Variants in RELN observed in about 807,000 individuals in gnomAD.
RELN encodes the protein reelin.
A neutral mutation model predicts 427.6 loss-of-function variants in RELN; 108 were observed. The observed-to-expected ratio is 0.25, with a 90% CI of 0.22 to 0.30. The LOEUF (loss-of-function observed/expected upper bound fraction) is 0.30. RELN is among the 10% of genes least tolerant of loss of function. The probability of loss-of-function intolerance (pLI) is 1.00; values close to 1 mark genes in which losing one functional copy is unlikely to be tolerated. For missense variants in RELN, 3,715 were observed against 4,302.8 expected (o/e 0.86, Z 3.82); for synonymous variants, 1,524 against 1,513.4 (o/e 1.01, Z -0.16).
At chr7:103,648,286 C>A (rs1355619693) in intron 16 of RELN, among the ~76,000 whole-genome samples, 3 of 151,992 alleles carry the variant, frequency 2.0e-5, no homozygotes, top group African/African-American at 7.2e-5. Flanking sequence ...AGCACCTCCC[C>A]CTTCACTCTC....
chr7:103,971,378 G>GT (rs1796762309), intron 1 of RELN, among the ~76,000 whole-genome samples: 1 of 152,126 alleles, frequency 6.6e-6, no homozygotes, highest in African/African-American at 2.4e-5. Context: ...AACATTAGCA[G>GT]TTTTTCAAAT....
chr7:103,736,955 A>G (rs1790509150), intron 6 of RELN, among the ~76,000 whole-genome samples: 1 of 152,198 alleles, frequency 6.6e-6, no homozygotes, highest in Admixed American at 6.5e-5. Context: ...CTCAGAGAAG[A>G]GTTTTGTAAT....
intron 20 of RELN, among the ~76,000 whole-genome samples, chr7:103,616,246 G>A (rs1245626200): frequency 3.9e-5 from 6 of 152,116 alleles, no homozygotes; most frequent in Non-Finnish European, 8.8e-5. Flanking sequence ...TAGAGAAACA[G>A]AAGAGCCATA....
At chr7:103,777,841 C>T (rs1289679483) in intron 3 of RELN, among the ~76,000 whole-genome samples, 4 of 150,212 alleles carry the variant, frequency 2.7e-5, no homozygotes, top group Non-Finnish European at 5.9e-5. Flanking sequence ...TGGGTGATAT[C>T]ACTTCAAGCT....
intron 8 of RELN, among the ~76,000 whole-genome samples, chr7:103,719,700 G>A (rs989556896): frequency 2.0e-5 from 3 of 152,178 alleles, no homozygotes; most frequent in African/African-American, 7.2e-5. Context: ...ATAACACTTT[G>A]CAAGGATGTC....
intron 2 of RELN, among the ~76,000 whole-genome samples, chr7:103,888,202 C>G (rs1422742765): frequency 1.3e-5 from 2 of 151,246 alleles, no homozygotes; most frequent in Admixed American, 1.3e-4. Flanking sequence ...AAACTGACAT[C>G]TGGACCTGAG....
At chr7:103,815,594 C>T (rs39338) in intron 3 of RELN, among the ~76,000 whole-genome samples, 1 of 152,092 alleles carries the variant, frequency 6.6e-6, no homozygotes. Context: ...AAAAATAGAA[C>T]TTCTACTTAC....
At chr7:103,975,894 A>C (rs1001744330) in intron 1 of RELN, among the ~76,000 whole-genome samples, 12 of 151,986 alleles carry the variant, frequency 7.9e-5, no homozygotes, top group Non-Finnish European at 1.8e-4. Flanking sequence ...CTCATGGAGA[A>C]GGTGACATTT....
intron 1 of RELN, among the ~76,000 whole-genome samples, chr7:103,936,743 G>C (rs62487052): frequency 8.5e-4 from 119 of 139,764 alleles, no homozygotes; most frequent in African/African-American, 1.6e-3. Flanking sequence ...CAGACAGACA[G>C]ACACACACAC....
intron 11 of RELN, among the ~76,000 whole-genome samples, chr7:103,663,958 C>T (rs534754626): frequency 1.3e-5 from 2 of 152,286 alleles, no homozygotes; most frequent in South Asian, 2.1e-4. Context: ...TCTTTCTCTA[C>T]CCTTGCTACC....
At chr7:103,872,101 T>C (rs1341108821) in intron 2 of RELN, among the ~76,000 whole-genome samples, 3 of 144,952 alleles carry the variant, frequency 2.1e-5, no homozygotes, top group East Asian at 2.0e-4. Context: ...TTAGGGTACA[T>C]GTGCACATTG....
intron 2 of RELN, among the ~76,000 whole-genome samples, chr7:103,867,398 C>T (rs1794226027): frequency 6.6e-6 from 1 of 151,558 alleles, no homozygotes. Flanking sequence ...TACAGGTTAT[C>T]TGTCCTTGGG....
intron 50 of RELN, chr7:103,514,151 A>C (rs1024372105): frequency 6.6e-6 from 1 of 152,218 alleles, no homozygotes; most frequent in African/African-American, 2.4e-5. Flanking sequence ...CCACTGTCTG[A>C]ATCAATACTG....
At chr7:103,791,897 CA>C (rs1169804526) in intron 3 of RELN, among the ~76,000 whole-genome samples, 1 of 151,922 alleles carries the variant, frequency 6.6e-6, no homozygotes, top group Non-Finnish European at 1.5e-5. Context: ...ATAAGTAACT[CA>C]ATTTAAAAAT....
intron 3 of RELN, among the ~76,000 whole-genome samples, chr7:103,808,796 G>A (rs1012642028): frequency 3.3e-5 from 5 of 152,000 alleles, no homozygotes; most frequent in African/African-American, 1.2e-4. Flanking sequence ...AAATTTGGAA[G>A]ATCTATCCAG....
At position 103,523,627 on chromosome 7, in the gene RELN, A is replaced by T. The variant is rs557868006; in HGVS notation, c.7350-96T>A. ...AGTGCATGGAGAAGTGTAACACAAA[A>T]GCATGTACATTCCTACTTCTTTTCT... On this transcript the variant is annotated intron_variant, in intron 46 of 64. Transcript: ENST00000428762. 18 of 1,148,936 alleles carry T rather than the reference A, an allele frequency of 1.6e-5. No homozygotes were observed. The South Asian group carries it at 2.1e-4, about 13-fold the overall frequency. 71.2% of individuals were successfully genotyped at this position (1,148,936 alleles called of 1,614,324 possible).
chr7:103,498,301 C>T (rs773644226), intron 53 of RELN, 49 bp from the exon 54 acceptor site: 2 of 1,520,396 alleles, frequency 1.3e-6, no homozygotes, highest in African/African-American at 1.4e-5. Flanking sequence ...TTTCAGATAA[C>T]TATGGAATAT....
At position 103,931,207 on chromosome 7, in the gene RELN, C is replaced by T. The variant is rs76183068; in HGVS notation, c.227-14022G>A. Among the ~76,000 whole-genome samples, 1,005 of 152,196 alleles carry T rather than the reference C, an allele frequency of 6.6e-3. 8 individuals carry two copies. Among genetic ancestry groups the T allele is most frequent in the African/African-American group, 0.023 (934 of 41,500 alleles). Reference sequence around the variant, plus strand: ...GCCATTCTAGGCTTTCCTCTGACTCCACGCTCCGGCACACCTCTACGTGTC... The same window carrying T: ...GCCATTCTAGGCTTTCCTCTGACTCTACGCTCCGGCACACCTCTACGTGTC... On this transcript the variant is annotated intron_variant, in intron 1 of 64. Coordinates refer to ENST00000428762, the MANE Select transcript of RELN (RefSeq NM_005045.4).
At chr7:103,969,407 T>G (rs935953405) in intron 1 of RELN, among the ~76,000 whole-genome samples, 3 of 152,104 alleles carry the variant, frequency 2.0e-5, no homozygotes, top group African/African-American at 7.2e-5. Flanking sequence ...ATTTAGAGAG[T>G]TCAGTAAGAT....
Sources: gnomAD v4.1 joint callset for allele counts (sites outside exome capture counted in the v4.1 genomes callset) on GRCh38, gnomAD v4.1.1 for gene constraint, MANE v1.5 for transcripts, NCBI Gene and HGNC (gene_info 2026-07-23, HGNC 2026-07-21) for gene names.